MIA2: variants seen among roughly 807,000 people sequenced by gnomAD.
MIA2 encodes the protein MIA SH3 domain ER export factor 2.
Under a neutral mutation model 167.8 loss-of-function variants are expected in MIA2, and 127 were observed. That is an observed-to-expected ratio of 0.76 (90% confidence interval 0.66 to 0.88). MIA2 has a LOEUF of 0.88. Ranked by LOEUF, MIA2 falls within the 40% of genes least tolerant of loss-of-function variation. MIA2 has a pLI of 0.00. For missense variants in MIA2, 1,690 were observed against 1,624.7 expected (o/e 1.04, Z -0.69); for synonymous variants, 552 against 541.9 (o/e 1.02, Z -0.26).
chr14:39,332,847 C>T (rs966311303), intron 25 of MIA2, among the ~76,000 whole-genome samples: 4 of 152,110 alleles, frequency 2.6e-5, no homozygotes, highest in African/African-American at 9.7e-5. Flanking sequence ...GAGCTGAAGA[C>T]CGGAGCTGTT....
chr14:39,372,110 A>T (rs972730321), intron 23 of MIA2, among the ~76,000 whole-genome samples: 5 of 152,130 alleles, frequency 3.3e-5, no homozygotes, highest in African/African-American at 1.2e-4. Flanking sequence ...GGTAATCCTC[A>T]TCTGAATGAT....
At chr14:39,269,083 T>TTTTTTTTTTTA in intron 6 of MIA2, 1 of 926,590 alleles carries the variant, frequency 1.1e-6, no homozygotes, top group Non-Finnish European at 1.3e-6. Context: ...AGTTTTTTTT[T>TTTTTTTTTTTA]TTTTTTTTTT....
intron 23 of MIA2, among the ~76,000 whole-genome samples, chr14:39,359,230 C>T (rs182881915): frequency 3.7e-4 from 56 of 152,322 alleles, no homozygotes; most frequent in African/African-American, 1.2e-3. Flanking sequence ...GGTTTGTTTA[C>T]CTGCTCAAGC....
chr14:39,351,115 A>T (rs1402473689), downstream of MIA2: 1 of 152,200 alleles, frequency 6.6e-6, no homozygotes, highest in Non-Finnish European at 1.5e-5. Context: ...TTTGTAGGTC[A>T]TGTTAAGCTT....
chr14:39,276,909 G>C, intron 6 of MIA2, 25 bp from the exon 7 acceptor site: 1 of 1,604,022 alleles, frequency 6.2e-7, no homozygotes, highest in Non-Finnish European at 8.5e-7. Flanking sequence ...ACATTTTTAA[G>C]AACTTACTTT....
At chr14:39,386,121 G>T in intron 23 of MIA2, 1 of 1,302,580 alleles carries the variant, frequency 7.7e-7, no homozygotes, top group Non-Finnish European at 1.1e-6. Context: ...TCAAGCATTG[G>T]TCATCTGACT....
intron 23 of MIA2, among the ~76,000 whole-genome samples, chr14:39,368,487 G>T (rs999250818): frequency 6.6e-6 from 1 of 152,148 alleles, no homozygotes; most frequent in Admixed American, 6.5e-5. Flanking sequence ...AGGCTAAAGA[G>T]CTGTACTCCT....
intron 25 of MIA2, among the ~76,000 whole-genome samples, chr14:39,336,414 T>A (rs1226125396): frequency 2.6e-5 from 4 of 152,220 alleles, no homozygotes; most frequent in Non-Finnish European, 4.4e-5. Context: ...TTCTCATTAT[T>A]TTCAGTAGCA....
At chr14:39,324,850 GCCCACCTCGGCCT>G (rs1566927930) in intron 24 of MIA2, among the ~76,000 whole-genome samples, 1 of 152,016 alleles carries the variant, frequency 6.6e-6, no homozygotes, top group Admixed American at 6.6e-5. Context: ...CAGGTGATCC[GCCCACCTCGGCCT>G]CCCAGAGTGC....
chr14:39,237,123 T>C (rs746327607), intron 2 of MIA2, 68 bp downstream of exon 2: 2 of 1,560,496 alleles, frequency 1.3e-6, no homozygotes, highest in South Asian at 2.3e-5. Context: ...TCCTTCCTTT[T>C]CTTTTCTTTT....
chr14:39,279,658 C>T lies in MIA2; in HGVS notation c.2130+121C>T, dbSNP rs1240097450. 1.1e-5 allele frequency: 7 copies of T among 651,872 alleles called. No individual in the cohort carries two copies. In the East Asian group the frequency reaches 1.9e-4, roughly 18 times the overall value. The allele number at this position is 651,872 out of a possible 1,614,324, so 40.4% of individuals were successfully genotyped here. On this transcript the variant is annotated intron_variant, in intron 9 of 28. Transcript: ENST00000640607. ...TTTGTTTGCAGAGTATGAGAGTTCTCTTTGCTCTTCATATTCAACACTTAA... is the reference window on the plus strand; with the variant it reads ...TTTGTTTGCAGAGTATGAGAGTTCTTTTTGCTCTTCATATTCAACACTTAA...
intron 9 of MIA2, among the ~76,000 whole-genome samples, chr14:39,285,944 G>A (rs1392697541): frequency 1.3e-5 from 2 of 149,564 alleles, no homozygotes; most frequent in Non-Finnish European, 3.0e-5. Flanking sequence ...GGGAAGAGGC[G>A]CTCCTCACTT....
At chr14:39,278,697 G>A (rs1324532055) in intron 7 of MIA2, among the ~76,000 whole-genome samples, 1 of 152,148 alleles carries the variant, frequency 6.6e-6, no homozygotes, top group Non-Finnish European at 1.5e-5. Flanking sequence ...TTGGATATTG[G>A]CATCAAGGGA....
intron 7 of MIA2, among the ~76,000 whole-genome samples, chr14:39,277,669 CTTTT>C (rs1198333086): frequency 4.4e-5 from 3 of 68,262 alleles, no homozygotes; most frequent in African/African-American, 1.5e-4. Context: ...AATGTAAGAT[CTTTT>C]ATATATATAT....
In MIA2 at chr14:39,246,987, G is replaced by T; in HGVS notation, c.413G>T (p.Gly138Val). ...NEDSELNGDYGENIYPYEEDK... is the reference protein window; with the variant it reads ...NEDSELNGDYVENIYPYEEDK... ...GATAGTGAATTAAACGGTGATTATG[G>T]TGAAAATATATATCCTTATGAAGAA... Residue 138 changes from glycine (G) to valine (V), a missense_variant, in exon 4 of 29, where the codon GGT (glycine) becomes GTT (valine). Gly to Val is a moderately radical substitution (Grantham distance 109). Transcript: ENST00000640607. 6.4e-7 allele frequency: 1 copy of T among 1,560,694 alleles called. No homozygotes were observed. Among genetic ancestry groups the T allele is most frequent in the Non-Finnish European group, 8.6e-7 (1 of 1,159,340 alleles).
chr14:39,349,184 A>G (rs1415030549), intron 28 of MIA2, among the ~76,000 whole-genome samples: 1 of 152,184 alleles, frequency 6.6e-6, no homozygotes, highest in African/African-American at 2.4e-5. Flanking sequence ...ATTCATCTTA[A>G]TAATATAGAA....
intron 23 of MIA2, among the ~76,000 whole-genome samples, chr14:39,359,611 G>A (rs930301980): frequency 6.6e-6 from 1 of 152,176 alleles, no homozygotes; most frequent in Non-Finnish European, 1.5e-5. Flanking sequence ...ACCTCTATTG[G>A]AAATGCAGAA....
At chr14:39,287,177 G>T (rs2152801843) in intron 9 of MIA2, among the ~76,000 whole-genome samples, 1 of 152,250 alleles carries the variant, frequency 6.6e-6, no homozygotes, top group South Asian at 2.1e-4. Flanking sequence ...GGGTTCAGGT[G>T]TTTCTCCCAC....
chr14:39,275,802 T>C (rs1166831169), intron 6 of MIA2, among the ~76,000 whole-genome samples: 1 of 152,166 alleles, frequency 6.6e-6, no homozygotes, highest in Non-Finnish European at 1.5e-5. Context: ...AACTGGTACC[T>C]AGGGTAATGT....
Sources: allele counts gnomAD v4.1 joint callset (sites outside exome capture counted in the v4.1 genomes callset), GRCh38; gene constraint gnomAD v4.1.1; transcripts MANE v1.5; gene names NCBI Gene and HGNC (gene_info 2026-07-23, HGNC 2026-07-21).